LTA4H: variants seen among roughly 807,000 people sequenced by gnomAD.
LTA4H encodes leukotriene A-4 hydrolase.
LTA4H carries 59 observed loss-of-function variants against 89.8 expected under a neutral mutation model. The observed-to-expected ratio is 0.66, with a 90% CI of 0.53 to 0.82. The LOEUF (loss-of-function observed/expected upper bound fraction) is 0.82. Among genes scored for constraint, LTA4H ranks in the 40% least tolerant of loss-of-function variants. The pLI, the probability that LTA4H is intolerant of heterozygous loss-of-function variation, is 0.00. For missense variants in LTA4H, 617 were observed against 727.0 expected (o/e 0.85, Z 1.74); for synonymous variants, 227 against 253.1 (o/e 0.90, Z 0.98).
chr12:96,013,673 TA>T (rs1278047804), intron 13 of LTA4H, 76 bp downstream of exon 13: 4 of 767,102 alleles, frequency 5.2e-6, no homozygotes, highest in Non-Finnish European at 6.7e-6. Context: ...TACTATTAGA[TA>T]ATACAAGTTA....
chr12:96,035,447 G>A lies in LTA4H; in HGVS notation c.73C>T (p.Arg25Cys), dbSNP rs538837004. 6.2e-7 allele frequency: 1 copy of A among 1,609,408 alleles called. No individual in the cohort carries two copies. Among genetic ancestry groups the A allele is most frequent in the Admixed American group, 1.7e-5 (1 of 59,284 alleles). The part of the protein sequence containing the change: ...SVCRTKHLHL[R>C]CSVDFTRRTL... ...CGGCGAGTAAAGTCGACGCTGCAGC[G>A]CAGGTGCAGGTGCTTGGTCCGGCAG... The change falls in exon 1 of 19, where the codon CGC becomes TGC. Residue 25 changes from arginine (R) to cysteine (C), a missense_variant. Physicochemically the swap from Arg to Cys is radical, Grantham distance 180. Coordinates refer to ENST00000228740, the MANE Select transcript of LTA4H (RefSeq NM_000895.3).
Position 96,014,965 on chromosome 12 carries a change from T to A in LTA4H, c.1094A>T (p.Lys365Ile), listed in dbSNP as rs755710060. ...KTFGETHPFTKLVVDLTDIDP... is the reference protein window; with the variant it reads ...KTFGETHPFTILVVDLTDIDP... Reference sequence around the variant, plus strand: ...TATATCTGTCAGATCAACCACAAGTTTGGTGAAAGGATGTGTCTCCCCAAA... The same window carrying A: ...TATATCTGTCAGATCAACCACAAGTATGGTGAAAGGATGTGTCTCCCCAAA... The change falls in exon 12 of 19, where the codon AAA (lysine) becomes ATA (isoleucine). Residue 365 changes from lysine (K) to isoleucine (I), a missense_variant. Physicochemically the swap from Lys to Ile is moderately radical, Grantham distance 102. Coordinates refer to ENST00000228740, the MANE Select transcript of LTA4H (RefSeq NM_000895.3). The A allele has an allele frequency of 2.5e-6, 4 of 1,613,116 alleles. No individual in the cohort carries two copies. The South Asian group carries it at 4.4e-5, about 18-fold the overall frequency.
chr12:96,036,951 C>T (rs899434690), upstream of LTA4H, among the ~76,000 whole-genome samples: 8 of 152,096 alleles, frequency 5.3e-5, no homozygotes, highest in East Asian at 1.9e-4. Context: ...ATTGCGGGGC[C>T]GGTGCCACAC....
chr12:96,024,669 A>AT (rs5800241), intron 3 of LTA4H, 122 bp from the exon 4 acceptor site: 23,983 of 408,828 alleles, frequency 0.059, 11 homozygotes, highest in Middle Eastern at 0.081. Context: ...ATTTCTTGGG[A>AT]TTTTTTTTTT....
chr12:96,041,706 AT>A (rs2136930604), intron 1 of LTA4H, among the ~76,000 whole-genome samples: 1 of 152,288 alleles, frequency 6.6e-6, no homozygotes, highest in South Asian at 2.1e-4. Context: ...CAGTGGCACA[AT>A]CTCGGCTCAC....
Position 96,029,037 on chromosome 12 carries a change from A to G in LTA4H, c.290+18T>C. ...CCCATTATTTAGCTGTAAAAGAGAAAGATCATAACATTCATACTTGCTCAA... is the reference window on the plus strand; with the variant it reads ...CCCATTATTTAGCTGTAAAAGAGAAGGATCATAACATTCATACTTGCTCAA... On this transcript the variant is annotated intron_variant, in intron 2 of 18. Transcript: ENST00000228740. The G allele has an allele frequency of 6.5e-7, 1 of 1,532,508 alleles. No individual in the cohort carries two copies. 94.9% of individuals were successfully genotyped at this position (1,532,508 alleles called of 1,614,324 possible). A position where few individuals can be genotyped will look rare whatever the true frequency, so the allele number is the denominator to read the frequency against.
chr12:96,011,455 T>C (rs1460204636), intron 14 of LTA4H: 1 of 152,202 alleles, frequency 6.6e-6, no homozygotes, highest in Non-Finnish European at 1.5e-5. Context: ...TCCTCTGTCC[T>C]AGCTCTAAAA....
At position 96,035,489 on chromosome 12, in the gene LTA4H, C is replaced by A; in HGVS notation, c.31G>T (p.Ala11Ser). 1 of 1,608,416 alleles carries A rather than the reference C, an allele frequency of 6.2e-7. No individual in the cohort carries two copies. Among genetic ancestry groups the A allele is most frequent in the Non-Finnish European group, 8.5e-7 (1 of 1,177,522 alleles). Reference protein sequence around the residue: MPEIVDTCSLASPASVCRTKH... With the variant: MPEIVDTCSLSSPASVCRTKH... The stretch of plus-strand genomic sequence containing the variant: ...GTCCGGCAGACGGAAGCCGGAGAGG[C>A]CAACGAACAGGTATCCACTATCTCG... Residue 11 changes from alanine to serine, a missense_variant, in exon 1 of 19, where the codon GCC (alanine) becomes TCC (serine). This residue lies in a region of LTA4H where 155 missense variants were observed against 143.3 expected (regional missense o/e 1.08). Transcript: ENST00000228740.
chr12:96,019,517 T>C (rs1185508103), intron 6 of LTA4H, among the ~76,000 whole-genome samples: 1 of 151,822 alleles, frequency 6.6e-6, no homozygotes, highest in Non-Finnish European at 1.5e-5. Context: ...TTGTAAGACC[T>C]CTTGAGGGTC....
At position 96,000,994 on chromosome 12, in the gene LTA4H, C is replaced by A. The variant is rs747672626; in HGVS notation, c.1831G>T (p.Asp611Tyr). The A allele has an allele frequency of 1.9e-6, 3 of 1,607,674 alleles. No homozygotes were observed. In the Admixed American group the frequency reaches 5.0e-5, roughly 27 times the overall value. The change falls in exon 19 of 19, where the codon GAT becomes TAT. Residue 611 changes from aspartate to tyrosine, a missense_variant. By Grantham distance (160) the Asp-to-Tyr change is radical. This residue lies in a region of LTA4H where 290 missense variants were observed against 339.1 expected (regional missense o/e 0.86). Transcript: ENST00000228740. ...AMLVGKDLKV[D>Y] ...AATCATCAATACGCAGGTCTTTAATCCACTTTTAAGTCTTTCCCCACCAGC... is the reference window on the plus strand; with the variant it reads ...AATCATCAATACGCAGGTCTTTAATACACTTTTAAGTCTTTCCCCACCAGC...
At position 96,015,583 on chromosome 12, in the gene LTA4H, C is replaced by T. The variant is rs763615655; in HGVS notation, c.1059G>A (p.Ser353=). Residue 353 remains serine (S), a splice_region_variant and synonymous_variant, in exon 11 of 19, where the codon TCG becomes TCA. Coordinates refer to ENST00000228740, the MANE Select transcript of LTA4H (RefSeq NM_000895.3). The part of the protein sequence containing the change: ...ALGGWGELQN[S]VKTFGETHPF... ...GTTTTTAAAACTTTGACTCCTTTAC[C>T]GAATTCTGTAGTTCTCCCCATCCTC... 5.0e-6 allele frequency: 8 copies of T among 1,604,888 alleles called. No homozygotes were observed. The highest frequency in any genetic ancestry group is 6.0e-6 in the Non-Finnish European group (7 of 1,173,258).
At position 96,022,299 on chromosome 12, in the gene LTA4H, G is replaced by A. The variant is rs200068939; in HGVS notation, c.481-48C>T. The stretch of plus-strand genomic sequence containing the variant: ...TCTAGTCATAAATAAAAGCTTCTAT[G>A]TGTCTTAAACCATATATGTAAAATA... On this transcript the variant is annotated intron_variant, in intron 4 of 18. Transcript: ENST00000228740. This position sits in a 1 kb window ranked among gnomAD's most constrained non-coding sequence, Gnocchi z 4.0. 1.4e-3 allele frequency: 1,795 copies of A among 1,239,728 alleles called. 4 individuals are homozygous for A. Among genetic ancestry groups the A allele is most frequent in the Middle Eastern group, 0.01 (51 of 5,090 alleles). The allele number at this position is 1,239,728 out of a possible 1,614,324, so 76.8% of individuals were successfully genotyped here.
At chr12:96,025,785 C>A (rs1001561170) in intron 3 of LTA4H, among the ~76,000 whole-genome samples, 1 of 151,062 alleles carries the variant, frequency 6.6e-6, no homozygotes, top group African/African-American at 2.4e-5. Context: ...CAAGTTCGCA[C>A]CATTGCACTA....
intron 14 of LTA4H, chr12:96,009,390 A>G: frequency 2.0e-6 from 1 of 497,328 alleles, no homozygotes; most frequent in South Asian, 2.4e-5. Flanking sequence ...AAGAATGCCA[A>G]AGCACCTCAG....
Position 96,001,021 on chromosome 12 carries a change from T to G in LTA4H, c.1804A>C (p.Met602Leu), listed in dbSNP as rs767741827. 6.2e-7 allele frequency: 1 copy of G among 1,614,000 alleles called. No individual in the cohort carries two copies. Among genetic ancestry groups the G allele is most frequent in the South Asian group, 1.1e-5 (1 of 91,080 alleles). ...HKASMHPVTA[M>L]LVGKDLKVD Reference sequence around the variant, plus strand: ...ACTTTTAAGTCTTTCCCCACCAGCATTGCAGTCACGGGATGCATGCTTGCT... The same window carrying G: ...ACTTTTAAGTCTTTCCCCACCAGCAGTGCAGTCACGGGATGCATGCTTGCT... Residue 602 changes from methionine to leucine, a missense_variant, in exon 19 of 19, where the codon ATG becomes CTG. Coordinates refer to ENST00000228740, the MANE Select transcript of LTA4H (RefSeq NM_000895.3).
intron 15 of LTA4H, 123 bp downstream of exon 15, chr12:96,008,971 C>G: frequency 1.4e-6 from 1 of 740,662 alleles, no homozygotes; most frequent in Non-Finnish European, 2.3e-6. Flanking sequence ...TTAGATAAAC[C>G]TGACTTTCAA....
chr12:96,035,770 G>T, upstream of LTA4H: 1 of 813,176 alleles, frequency 1.2e-6, no homozygotes, highest in Non-Finnish European at 1.7e-6. Context: ...GGATGTTGAG[G>T]GGGACCAAGC....
In LTA4H at chr12:96,017,346, T is replaced by C. The variant is rs1308036830; in HGVS notation, c.876+211A>G. On this transcript the variant is annotated intron_variant, in intron 9 of 18. Coordinates refer to ENST00000228740, the MANE Select transcript of LTA4H (RefSeq NM_000895.3). ...ACTTAGAAAATATTAAATAGATATA[T>C]CACTGCATTAAAAATATTTCATAAA... Among the ~76,000 whole-genome samples, 2 of 152,132 alleles carry C rather than the reference T, an allele frequency of 1.3e-5. No homozygotes were observed. The highest frequency in any genetic ancestry group is 2.9e-5 in the Non-Finnish European group (2 of 68,022).
intron 1 of LTA4H, among the ~76,000 whole-genome samples, chr12:96,029,420 C>T (rs1401098268): frequency 6.6e-6 from 1 of 152,082 alleles, no homozygotes; most frequent in African/African-American, 2.4e-5. Flanking sequence ...AGGACAGTCA[C>T]ACAAATTTTG....
Sources: allele counts gnomAD v4.1 joint callset (sites outside exome capture counted in the v4.1 genomes callset), GRCh38; gene constraint gnomAD v4.1.1; regional missense constraint gnomAD v4.1.1; non-coding constraint Gnocchi (gnomAD v3.1); transcripts MANE v1.5; gene names NCBI Gene and HGNC (gene_info 2026-07-23, HGNC 2026-07-21).